The following TTYH2 variants were observed in gnomAD, a reference collection of about 807,000 sequenced individuals.
TTYH2 encodes the protein tweety family member 2, also known as protein tweety homolog 2.
TTYH2 carries 49 observed loss-of-function variants against 68.3 expected under a neutral mutation model. That is an observed-to-expected ratio of 0.72 (90% CI 0.57 to 0.91). The LOEUF (loss-of-function observed/expected upper bound fraction) is 0.91. TTYH2 is among the 40% of genes least tolerant of loss of function. TTYH2 has a pLI of 0.00. For synonymous variants in TTYH2, 272 were observed against 300.8 expected (o/e 0.90, Z 0.99); for missense variants, 631 against 700.4 (o/e 0.90, Z 1.12).
chr17:74,219,215 C>CAAA (rs567646208), intron 1 of TTYH2, among the ~76,000 whole-genome samples: 10 of 131,246 alleles, frequency 7.6e-5, no homozygotes, highest in African/African-American at 2.8e-4. Context: ...GACTCCGTCT[C>CAAA]AAAAAAAAAA....
chr17:74,216,264 G>A (rs2143707658), intron 1 of TTYH2, among the ~76,000 whole-genome samples: 1 of 152,310 alleles, frequency 6.6e-6, no homozygotes, highest in Admixed American at 6.5e-5. Context: ...CAAAACGCCT[G>A]CAGAAAGGGC....
intron 13 of TTYH2, among the ~76,000 whole-genome samples, chr17:74,258,567 G>A (rs952432250): frequency 3.9e-5 from 6 of 152,042 alleles, no homozygotes; most frequent in East Asian, 1.9e-4. Flanking sequence ...GTGCCTGGCC[G>A]GAGATGTGCG....
At chr17:74,218,026 C>G (rs2050238054) in intron 1 of TTYH2, among the ~76,000 whole-genome samples, 2 of 152,156 alleles carry the variant, frequency 1.3e-5, no homozygotes, top group Admixed American at 1.3e-4. Flanking sequence ...AGCAGGGGGG[C>G]CTGGAAGCAG....
chr17:74,230,791 T>G, intron 2 of TTYH2, 97 bp from the exon 3 acceptor site: 1 of 1,233,096 alleles, frequency 8.1e-7, no homozygotes, highest in Non-Finnish European at 1.1e-6. Context: ...ATTACAGGCA[T>G]GAGCCACCGC....
intron 2 of TTYH2, among the ~76,000 whole-genome samples, chr17:74,223,017 T>G (rs2050292925): frequency 1.3e-5 from 2 of 151,456 alleles, no homozygotes; most frequent in African/African-American, 4.9e-5. Flanking sequence ...AAAGTTTGAC[T>G]CCAGCACAAA....
In TTYH2 at chr17:74,215,426, A is replaced by G. The variant is rs946470787; in HGVS notation, c.129+1710A>G. Among the ~76,000 whole-genome samples, 5 of 152,156 alleles carry G rather than the reference A, an allele frequency of 3.3e-5. No homozygotes were observed. The highest frequency in any genetic ancestry group is 1.2e-4 in the African/African-American group (5 of 41,452). On this transcript the variant is annotated intron_variant, in intron 1 of 13. Coordinates refer to ENST00000269346, the MANE Select transcript of TTYH2 (RefSeq NM_032646.6). The surrounding 1 kb of genome is among the most constrained non-coding windows in gnomAD (Gnocchi z 4.3). ...TCCTGGGCCTGCCCACAGCCCCCTC[A>G]GTCCCATGGGCAGGTGGCAGTTGAG...
chr17:74,242,890 G>A (rs2050516096), intron 4 of TTYH2, among the ~76,000 whole-genome samples: 1 of 152,214 alleles, frequency 6.6e-6, no homozygotes, highest in Non-Finnish European at 1.5e-5. Context: ...GGTCCTAGGC[G>A]ATGCCTGCTG....
intron 2 of TTYH2, among the ~76,000 whole-genome samples, chr17:74,230,591 C>A (rs1947990652): frequency 6.6e-6 from 1 of 151,822 alleles, no homozygotes; most frequent in Non-Finnish European, 1.5e-5. Flanking sequence ...TATGGGAACT[C>A]TCTACTGTCC....
At chr17:74,246,257 G>T (rs1248532587) in intron 6 of TTYH2, among the ~76,000 whole-genome samples, 1 of 152,100 alleles carries the variant, frequency 6.6e-6, no homozygotes, top group Non-Finnish European at 1.5e-5. Flanking sequence ...GTGGGAGTGT[G>T]GCCTCTGCAG....
intron 3 of TTYH2, among the ~76,000 whole-genome samples, chr17:74,234,273 C>G (rs1416333497): frequency 6.6e-6 from 1 of 152,202 alleles, no homozygotes. Context: ...TCCTCTAGAC[C>G]GTGGTCTCCG....
intron 6 of TTYH2, among the ~76,000 whole-genome samples, chr17:74,246,505 A>T (rs1598228174): frequency 7.5e-6 from 1 of 134,016 alleles, no homozygotes; most frequent in African/African-American, 4.1e-5. Flanking sequence ...TCATCATGCT[A>T]GGGTCACGGG....
intron 4 of TTYH2, among the ~76,000 whole-genome samples, chr17:74,237,909 A>C (rs919143383): frequency 6.6e-6 from 1 of 152,218 alleles, no homozygotes. Context: ...CTGGGATTAC[A>C]GGCGTGAGCC....
At chr17:74,233,171 C>A (rs566954022) in intron 3 of TTYH2, among the ~76,000 whole-genome samples, 2 of 152,162 alleles carry the variant, frequency 1.3e-5, no homozygotes, top group Non-Finnish European at 2.9e-5. Context: ...TCACCTCCCC[C>A]TCTGGCGTGA....
intron 2 of TTYH2, among the ~76,000 whole-genome samples, chr17:74,228,307 A>AG (rs377394202): frequency 9.2e-5 from 14 of 152,260 alleles, no homozygotes; most frequent in African/African-American, 3.4e-4. Flanking sequence ...ACAGTCCTCC[A>AG]GGGGGTTCCG....
chr17:74,223,901 G>A (rs1193165946), intron 2 of TTYH2, among the ~76,000 whole-genome samples: 1 of 152,210 alleles, frequency 6.6e-6, no homozygotes, highest in Non-Finnish European at 1.5e-5. Flanking sequence ...TGTAGTGGGA[G>A]GCTCACCTAA....
At chr17:74,250,477 A>C in intron 10 of TTYH2, 120 bp downstream of exon 10, 1 of 794,806 alleles carries the variant, frequency 1.3e-6, no homozygotes, top group East Asian at 2.7e-5. Context: ...CCGGCCCAGG[A>C]ATGGAACTGA....
chr17:74,236,313 G>A (rs933064526), intron 3 of TTYH2, among the ~76,000 whole-genome samples: 3 of 152,190 alleles, frequency 2.0e-5, no homozygotes, highest in Non-Finnish European at 4.4e-5. Context: ...GGTGTGCTGC[G>A]GCTAGTGCCA....
chr17:74,221,543 G>A (rs867956427), intron 1 of TTYH2, among the ~76,000 whole-genome samples: 3 of 152,214 alleles, frequency 2.0e-5, no homozygotes, highest in Non-Finnish European at 4.4e-5. Context: ...TGGGAAGCAG[G>A]GGCGGCTGTC....
rs1567816377 is a variant in TTYH2 at position 74,239,319 on chromosome 17, G to A, written c.635+1805G>A. 1.3e-5 allele frequency among the ~76,000 whole-genome samples: 2 copies of A among 152,294 alleles called. No individual in the cohort carries two copies. Among genetic ancestry groups the A allele is most frequent in the East Asian group, 1.9e-4 (1 of 5,174 alleles). On this transcript the variant is annotated intron_variant, in intron 4 of 13. Transcript: ENST00000269346. This position sits in a 1 kb window ranked among gnomAD's most constrained non-coding sequence, Gnocchi z 5.3. Reference sequence around the variant, plus strand: ...GCCTGGGCTTGTGCTCCCAGGGCCCGGGCCTAGCATGGAGGAGGCACGTGG... The same window carrying A: ...GCCTGGGCTTGTGCTCCCAGGGCCCAGGCCTAGCATGGAGGAGGCACGTGG...
Sources: allele counts gnomAD v4.1 joint callset (sites outside exome capture counted in the v4.1 genomes callset), GRCh38; gene constraint gnomAD v4.1.1; non-coding constraint Gnocchi (gnomAD v3.1); transcripts MANE v1.5; gene names NCBI Gene and HGNC (gene_info 2026-07-23, HGNC 2026-07-21).